The following WFDC10B variants were observed in gnomAD, a reference collection of about 807,000 sequenced individuals.
WFDC10B encodes the protein protein WFDC10B.
In WFDC10B, 1 loss-of-function variant was observed where a neutral mutation model predicts 2.7. The observed-to-expected ratio is 0.38, with a 90% confidence interval of 0.13 to 1.79. WFDC10B has a LOEUF of 1.79. WFDC10B is among the 40% of genes most tolerant of loss of function. The pLI is 0.33. For synonymous variants in WFDC10B, 26 were observed against 32.2 expected (o/e 0.81, Z 0.65); for missense variants, 71 against 87.8 (o/e 0.81, Z 0.76).
chr20:45,703,556 A>G (rs1182519511), intron 2 of WFDC10B, among the ~76,000 whole-genome samples: 1 of 152,208 alleles, frequency 6.6e-6, no homozygotes, highest in Non-Finnish European at 1.5e-5. Flanking sequence ...GAAAGGGAGA[A>G]TCACAAGGTA....
At chr20:45,704,706 G>A in intron 1 of WFDC10B, 145 bp from the exon 2 acceptor site, 1 of 1,446,790 alleles carries the variant, frequency 6.9e-7, no homozygotes, top group Non-Finnish European at 9.2e-7. Context: ...TTTTTTCCTT[G>A]GTGGCCATGT....
chr20:45,703,875 G>A (rs1984278654), intron 2 of WFDC10B, among the ~76,000 whole-genome samples: 1 of 152,154 alleles, frequency 6.6e-6, no homozygotes. Context: ...TTCTTACCAT[G>A]AAAGAAGTCA....
At chr20:45,696,469 G>T (rs1299905969) in intron 2 of WFDC10B, among the ~76,000 whole-genome samples, 1 of 151,848 alleles carries the variant, frequency 6.6e-6, no homozygotes, top group South Asian at 2.1e-4. Context: ...CCAAAGCTTG[G>T]TTTTTTTAAA....
chr20:45,704,604 A>T (rs1159207375), intron 1 of WFDC10B, 43 bp from the exon 2 acceptor site: 1 of 1,613,354 alleles, frequency 6.2e-7, no homozygotes, highest in African/African-American at 1.3e-5. Context: ...GGTAAGAGAT[A>T]TCTCATATCC....
intron 1 of WFDC10B, 113 bp from the exon 2 acceptor site, chr20:45,704,674 T>G: frequency 9.2e-6 from 14 of 1,528,288 alleles, no homozygotes; most frequent in Non-Finnish European, 1.2e-5. Context: ...CCAGCAACTG[T>G]GCTGGATCTC....
At chr20:45,689,704 T>G (rs908495812) in intron 2 of WFDC10B, among the ~76,000 whole-genome samples, 8 of 152,192 alleles carry the variant, frequency 5.3e-5, no homozygotes, top group Non-Finnish European at 8.8e-5. Context: ...ATCCTGAGAC[T>G]TTGCTGAAGT....
intron 2 of WFDC10B, among the ~76,000 whole-genome samples, chr20:45,689,500 A>G (rs1400212691): frequency 6.6e-6 from 1 of 151,912 alleles, no homozygotes; most frequent in Non-Finnish European, 1.5e-5. Context: ...ATTTGTTTGT[A>G]TCCTCTTTTA....
Position 45,685,970 on chromosome 20 carries a change from A to G in WFDC10B, c.23T>C (p.Leu8Pro), listed in dbSNP as rs232729. MAPQTLLLVLVLCVLLLQ... is the reference protein window; with the variant it reads MAPQTLLPVLVLCVLLLQ... ...CAGCAGCACACAGAGAACCAGGACA[A>G]GCAGCAGAGTCTGGGGTGCCATAAC... The change falls in exon 3 of 4, where the codon CTT (leucine) becomes CCT (proline). Residue 8 changes from leucine to proline, a missense_variant. Coordinates refer to ENST00000330523, the MANE Select transcript of WFDC10B (RefSeq NM_172006.2). 1,032,150 of 1,613,702 alleles carry G rather than the reference A, an allele frequency of 0.64. 340,600 individuals carry two copies. Among genetic ancestry groups the G allele is most frequent in the East Asian group, 1 (44,834 of 44,880 alleles).
At chr20:45,689,965 G>A (rs140462693) in intron 2 of WFDC10B, among the ~76,000 whole-genome samples, 26,333 of 148,202 alleles carry the variant, frequency 0.18, 2,553 homozygotes, top group East Asian at 0.3. Flanking sequence ...TCAGTATGAT[G>A]TTGGCTGTGG....
In WFDC10B at chr20:45,685,860, C is replaced by T. The variant is rs369596191; in HGVS notation, c.91+42G>A. On this transcript the variant is annotated intron_variant, in intron 3 of 3. Coordinates refer to ENST00000330523, the MANE Select transcript of WFDC10B (RefSeq NM_172006.2). ...ACTGGACACAGCTCCTCCATTCCCC[C>T]TACCCAACTCTCCATCACCCATCCA... 3 of 1,609,180 alleles carry T rather than the reference C, an allele frequency of 1.9e-6. No homozygotes were observed. In the East Asian group the frequency reaches 6.7e-5, roughly 36 times the overall value.
intron 2 of WFDC10B, among the ~76,000 whole-genome samples, chr20:45,703,522 C>T (rs533456040): frequency 2.8e-4 from 42 of 152,240 alleles, no homozygotes; most frequent in African/African-American, 9.6e-4. Flanking sequence ...ATAGAATGCC[C>T]CACTTTTGAC....
chr20:45,697,742 C>CTTTTTTTTTT (rs1162470530), intron 2 of WFDC10B, among the ~76,000 whole-genome samples: 1 of 113,404 alleles, frequency 8.8e-6, no homozygotes, highest in Non-Finnish European at 1.9e-5. Context: ...ATTTCTTTTT[C>CTTTTTTTTTT]TTTTTTTTTT....
chr20:45,695,062 C>T (rs1374116850), intron 2 of WFDC10B, among the ~76,000 whole-genome samples: 2 of 152,104 alleles, frequency 1.3e-5, no homozygotes, highest in Non-Finnish European at 2.9e-5. Flanking sequence ...AACTGATAAA[C>T]CTTAAGTAAA....
intron 2 of WFDC10B, among the ~76,000 whole-genome samples, chr20:45,703,158 G>A (rs1384013786): frequency 1.3e-5 from 2 of 152,206 alleles, no homozygotes; most frequent in East Asian, 3.8e-4. Context: ...GAGGGGTCAA[G>A]ACTTGAAAAG....
chr20:45,695,990 A>G (rs1262195884), intron 2 of WFDC10B, among the ~76,000 whole-genome samples: 1 of 151,950 alleles, frequency 6.6e-6, no homozygotes, highest in African/African-American at 2.4e-5. Context: ...AAATACTTAC[A>G]TTAAAAAAGA....
In WFDC10B at chr20:45,704,954, C is replaced by G; in HGVS notation, c.-166G>C. ...ACCAAAATCCCAAAGCAAAATTTGT[C>G]CTACACTTTTGCTTGCCCTCCTTTC... is the stretch of plus-strand genomic sequence containing the variant. On this transcript the variant is annotated 5_prime_UTR_variant, in exon 1 of 4. Coordinates refer to ENST00000330523, the MANE Select transcript of WFDC10B (RefSeq NM_172006.2). The G allele has an allele frequency of 1.2e-6, 2 of 1,614,142 alleles. No homozygotes were observed. Among genetic ancestry groups the G allele is most frequent in the Non-Finnish European group, 1.7e-6 (2 of 1,180,018 alleles).
In WFDC10B at chr20:45,704,569, T is replaced by A; in HGVS notation, c.-129-8A>T. The A allele has an allele frequency of 6.2e-7, 1 of 1,614,086 alleles. No individual in the cohort carries two copies. Among genetic ancestry groups the A allele is most frequent in the Non-Finnish European group, 8.5e-7 (1 of 1,180,014 alleles). On this transcript the variant is annotated splice_polypyrimidine_tract_variant and splice_region_variant and intron_variant, in intron 1 of 3. Transcript: ENST00000330523. ...CTCCTTCTGTGGGATAGTCTGTTCA[T>A]CAGAAACATTTCAAAAGCGCAACAG...
chr20:45,698,417 G>GA (rs989094746), intron 2 of WFDC10B, among the ~76,000 whole-genome samples: 23 of 149,318 alleles, frequency 1.5e-4, no homozygotes, highest in Admixed American at 8.6e-4. Flanking sequence ...AGTAACAAAA[G>GA]AAAAAAAAAT....
intron 2 of WFDC10B, 151 bp downstream of exon 2, chr20:45,704,346 G>T: frequency 6.7e-7 from 1 of 1,488,088 alleles, no homozygotes; most frequent in Non-Finnish European, 9.0e-7. Context: ...AGGCAGATGA[G>T]GGTGGCAGGT....
Sources: allele counts gnomAD v4.1 joint callset (sites outside exome capture counted in the v4.1 genomes callset), GRCh38; gene constraint gnomAD v4.1.1; transcripts MANE v1.5; gene names NCBI Gene and HGNC (gene_info 2026-07-23, HGNC 2026-07-21).